DMD: variants seen among roughly 807,000 people sequenced by gnomAD.
The protein encoded by DMD is dystrophin.
A neutral mutation model predicts 330.1 loss-of-function variants in DMD; 63 were observed. The observed-to-expected ratio is 0.19, with a 90% confidence interval of 0.16 to 0.24. DMD has a LOEUF of 0.24. DMD is among the 10% of genes least tolerant of loss of function. DMD has a pLI of 1.00. For missense variants in DMD, 3,344 were observed against 2,684.1 expected, an observed-to-expected ratio of 1.25 and a Z score of -5.43; for synonymous variants, 1,223 against 959.8, an observed-to-expected ratio of 1.27 and a Z score of -5.07.
At position 32,463,545 on chromosome X, in the gene DMD, T is replaced by A. The variant is rs200596739; in HGVS notation, c.3326A>T (p.Asn1109Ile). 1.9e-4 allele frequency: 225 copies of A among 1,198,708 alleles called. No individual in the cohort carries two copies. Among genetic ancestry groups the A allele is most frequent in the Non-Finnish European group, 1.6e-4 (138 of 888,656 alleles). Residue 1109 changes from asparagine to isoleucine, a missense_variant, in exon 25 of 79, where the codon AAT (asparagine) becomes ATT (isoleucine). Coordinates refer to ENST00000357033, the MANE Select transcript of DMD (RefSeq NM_004006.3). ...QTIQPSLNSV[N>I]EGGQKIKNEA... is the part of the protein sequence containing the mutation. ...ATTCTTTATCTTCTGCCCACCTTCA[T>A]TGACACTGTTTAGACTGGGCTGAAT...
At position 32,644,307 on chromosome X, in the gene DMD, T is replaced by G; in HGVS notation, c.1156A>C (p.Met386Leu). 8.3e-7 allele frequency: 1 copy of G among 1,210,438 alleles called. No individual in the cohort carries two copies. The highest frequency in any genetic ancestry group is 1.7e-5 in the African/African-American group (1 of 57,732). Residue 386 changes from methionine to leucine, a missense_variant, in exon 11 of 79, where the codon ATG (methionine) becomes CTG (leucine). By Grantham distance (15) the Met-to-Leu change is conservative. Coordinates refer to ENST00000357033, the MANE Select transcript of DMD (RefSeq NM_004006.3). ...KDQFHTHEGY[M>L]MDLTAHQGRV... Reference sequence around the variant, plus strand: ...CCCTGATGGGCTGTCAAATCCATCATGTACCCCTGACAAAGAAGGAAGTTA... The same window carrying G: ...CCCTGATGGGCTGTCAAATCCATCAGGTACCCCTGACAAAGAAGGAAGTTA...
chrX:32,572,438 A>G lies in DMD; in HGVS notation c.1812+1092T>C, dbSNP rs983821390. Among the ~76,000 whole-genome samples the G allele has an allele frequency of 4.5e-5, 5 of 111,706 alleles. No homozygotes were observed. The Admixed American group carries it at 4.8e-4, about 11-fold the overall frequency. ...GAACATTTAATCAAATCTATCAAAAATTTTAAGAAATCATAAAGTAGAATA... is the reference window on the plus strand; with the variant it reads ...GAACATTTAATCAAATCTATCAAAAGTTTTAAGAAATCATAAAGTAGAATA... On this transcript the variant is annotated intron_variant, in intron 15 of 78. Coordinates refer to ENST00000357033, the MANE Select transcript of DMD (RefSeq NM_004006.3).
At chrX:31,422,041 ATAT>A (rs1569540552) in intron 60 of DMD, among the ~76,000 whole-genome samples, 4 of 10,917 alleles carry the variant, frequency 3.7e-4, no homozygotes, top group African/African-American at 5.6e-4. Context: ...ATATATATAT[ATAT>A]TTTTTTTTTT....
At chrX:31,555,120 G>A (rs1008905885) in intron 55 of DMD, among the ~76,000 whole-genome samples, 2 of 111,937 alleles carry the variant, frequency 1.8e-5, no homozygotes, top group East Asian at 2.8e-4. Flanking sequence ...GAAGGGCCAT[G>A]TAAGTAGTGG....
intron 19 of DMD, 110 bp downstream of exon 19, chrX:32,501,645 T>A: frequency 1.7e-6 from 1 of 582,291 alleles, no homozygotes; most frequent in Non-Finnish European, 2.9e-6. Context: ...ACCTTTTAAT[T>A]TAAATTTGTA....
intron 57 of DMD, among the ~76,000 whole-genome samples, chrX:31,482,794 G>T (rs1301335941): frequency 3.6e-5 from 4 of 111,668 alleles, no homozygotes; most frequent in Non-Finnish European, 7.5e-5. Context: ...GTTCTTTTTA[G>T]CATAGGAATG....
At position 32,479,434 on chromosome X, in the gene DMD, C is replaced by T. The variant is rs6653585; in HGVS notation, c.2803+5485G>A. 2.9e-3 allele frequency among the ~76,000 whole-genome samples: 320 copies of T among 111,036 alleles called. 3 individuals carry two copies. The highest frequency in any genetic ancestry group is 9.0e-3 in the African/African-American group (276 of 30,665). ...TTGATCAACACCTTCCCTTTCCCAA[C>T]CTTCCTCTTCCCCCCAGTCTCTGGT... is the stretch of plus-strand genomic sequence containing the variant. On this transcript the variant is annotated intron_variant, in intron 21 of 78. Coordinates refer to ENST00000357033, the MANE Select transcript of DMD (RefSeq NM_004006.3).
chrX:31,665,758 G>T (rs930719976), intron 53 of DMD, among the ~76,000 whole-genome samples: 7 of 111,709 alleles, frequency 6.3e-5, no homozygotes, highest in African/African-American at 2.3e-4. Context: ...ACCCATTAGA[G>T]TTCCATTATT....
intron 55 of DMD, among the ~76,000 whole-genome samples, chrX:31,510,777 T>A (rs188415116): frequency 9.1e-6 from 1 of 110,489 alleles, no homozygotes; most frequent in Non-Finnish European, 1.9e-5. Context: ...CCAAAGTGCT[T>A]GGATTACAGG....
At chrX:32,418,991 A>C (rs1000730615) in intron 29 of DMD, among the ~76,000 whole-genome samples, 2 of 105,135 alleles carry the variant, frequency 1.9e-5, no homozygotes, top group Non-Finnish European at 3.9e-5. Context: ...AAAAAAAAAA[A>C]AAAAAAAGAA....
chrX:31,603,489 G>A lies in DMD; in HGVS notation c.8217+24184C>T, dbSNP rs146214025. 3.6e-5 allele frequency among the ~76,000 whole-genome samples: 4 copies of A among 111,451 alleles called. No homozygotes were observed. In the East Asian group the frequency reaches 1.1e-3, roughly 32 times the overall value. On this transcript the variant is annotated intron_variant, in intron 55 of 78. Transcript: ENST00000357033. ...TATCAATAATTGCCTAGGGGTAAGG[G>A]TTAGAAATAAAAAAAGTCAAGTTGA... is the stretch of plus-strand genomic sequence containing the variant.
At chrX:31,347,456 A>AT (rs940089028) in intron 61 of DMD, among the ~76,000 whole-genome samples, 107 of 111,241 alleles carry the variant, frequency 9.6e-4, no homozygotes, top group Non-Finnish European at 1.4e-3. Flanking sequence ...TTTATTATCA[A>AT]TTTTTTTAGC....
chrX:31,300,978 G>C (rs761777005), intron 62 of DMD, among the ~76,000 whole-genome samples: 1 of 112,034 alleles, frequency 8.9e-6, no homozygotes, highest in Non-Finnish European at 1.9e-5. Flanking sequence ...AATCTGGAGA[G>C]AGATTGGCCT....
intron 44 of DMD, among the ~76,000 whole-genome samples, chrX:32,207,335 G>A (rs902140947): frequency 2.7e-5 from 3 of 111,059 alleles, no homozygotes; most frequent in Non-Finnish European, 3.8e-5. Context: ...CCCTCTAATC[G>A]TCCATCATGT....
intron 7 of DMD, among the ~76,000 whole-genome samples, chrX:32,770,741 T>C (rs1445795444): frequency 9.0e-6 from 1 of 111,636 alleles, no homozygotes; most frequent in Non-Finnish European, 1.9e-5. Context: ...GTGAATAAAA[T>C]GTACAAAGTC....
intron 60 of DMD, among the ~76,000 whole-genome samples, chrX:31,431,410 AT>A (rs1242218695): frequency 9.0e-6 from 1 of 111,189 alleles, no homozygotes; most frequent in Non-Finnish European, 1.9e-5. Context: ...GATTATTATT[AT>A]TTTGAGACGG....
intron 60 of DMD, among the ~76,000 whole-genome samples, chrX:31,422,230 G>A (rs974628053): frequency 3.7e-5 from 4 of 108,128 alleles, no homozygotes; most frequent in African/African-American, 1.0e-4. Context: ...AGCTGGTCTC[G>A]AACTCCTGGC....
rs759777787 is a variant in DMD at position 31,296,289 on chromosome X, A to C, written c.9224+27309T>G. Among the ~76,000 whole-genome samples the C allele has an allele frequency of 6.2e-5, 7 of 112,024 alleles. No individual in the cohort carries two copies. The East Asian group carries it at 2.0e-3, about 31-fold the overall frequency. ...ACCATACTCTATAAATTCTATAACT[A>C]TCTTATAAGTATGGTATCTAAAAAT... On this transcript the variant is annotated intron_variant, in intron 62 of 78. Transcript: ENST00000357033.
intron 53 of DMD, among the ~76,000 whole-genome samples, chrX:31,674,698 T>C (rs2081984754): frequency 8.9e-6 from 1 of 112,453 alleles, no homozygotes. Context: ...ACTCGGAGCC[T>C]GGGAAAATCT....
Sources: allele counts gnomAD v4.1 joint callset (sites outside exome capture counted in the v4.1 genomes callset), GRCh38; gene constraint gnomAD v4.1.1; transcripts MANE v1.5; gene names NCBI Gene and HGNC (gene_info 2026-07-23, HGNC 2026-07-21).